The following DIAPH3 variants were observed in gnomAD, a reference collection of about 807,000 sequenced individuals.
DIAPH3 encodes protein diaphanous homolog 3.
A neutral mutation model predicts 144.3 loss-of-function variants in DIAPH3; 117 were observed. The observed-to-expected ratio is 0.81, with a 90% confidence interval of 0.70 to 0.95. The LOEUF is 0.95. Ranked by LOEUF, DIAPH3 falls within the 40% of genes least tolerant of loss-of-function variation. DIAPH3 has a pLI of 0.00. For synonymous variants in DIAPH3, 519 were observed against 488.9 expected, an observed-to-expected ratio of 1.06 and a Z score of -0.81; for missense variants, 1,421 against 1,412.7, an observed-to-expected ratio of 1.01 and a Z score of -0.09.
chr13:59,833,379 C>T (rs1484991876), intron 23 of DIAPH3, 108 bp from the exon 24 acceptor site: 22 of 820,930 alleles, frequency 2.7e-5, no homozygotes, highest in Non-Finnish European at 4.1e-5. Context: ...ACTATATTTC[C>T]AAAATTCTAA....
rs1312762937 is a variant in DIAPH3, at chr13:59,754,151, C to G, written c.3319+20038G>C. Among the ~76,000 whole-genome samples the G allele has an allele frequency of 2.0e-5, 3 of 152,302 alleles. No individual in the cohort carries two copies. The East Asian group carries it at 5.8e-4, about 29-fold the overall frequency. Reference sequence around the variant, plus strand: ...CAACTTATCTTTCTGCTCTCTACTTCTGATATTTTTGAGGGCATCTTCTGT... The same window carrying G: ...CAACTTATCTTTCTGCTCTCTACTTGTGATATTTTTGAGGGCATCTTCTGT... On this transcript the variant is annotated intron_variant, in intron 27 of 27. Transcript: ENST00000400324.
chr13:60,139,748 C>T (rs772836146), intron 1 of DIAPH3, among the ~76,000 whole-genome samples: 2 of 152,134 alleles, frequency 1.3e-5, no homozygotes, highest in African/African-American at 2.4e-5. Context: ...AACATAACTC[C>T]AATATTCTTT....
chr13:59,821,072 T>C (rs925578698), intron 24 of DIAPH3, among the ~76,000 whole-genome samples: 2 of 152,036 alleles, frequency 1.3e-5, no homozygotes, highest in African/African-American at 4.8e-5. Context: ...CATTAATGGA[T>C]ACTCAAGCAA....
intron 27 of DIAPH3, among the ~76,000 whole-genome samples, chr13:59,765,501 AACTTAAAG>A (rs1287092523): frequency 6.6e-6 from 1 of 152,202 alleles, no homozygotes; most frequent in East Asian, 1.9e-4. Flanking sequence ...AGGAAAAGAA[AACTTAAAG>A]ACAAATAACC....
At chr13:60,049,958 G>A (rs1212100976) in intron 4 of DIAPH3, among the ~76,000 whole-genome samples, 1 of 152,210 alleles carries the variant, frequency 6.6e-6, no homozygotes, top group Non-Finnish European at 1.5e-5. Context: ...GGGAGGCTGG[G>A]GCAGGAAGAT....
chr13:60,044,625 CA>C (rs1246504769), intron 4 of DIAPH3, among the ~76,000 whole-genome samples: 1 of 152,114 alleles, frequency 6.6e-6, no homozygotes, highest in Non-Finnish European at 1.5e-5. Context: ...GCAACAGGAA[CA>C]AAGGTGCCTC....
At position 59,873,677 on chromosome 13, in the gene DIAPH3, CTTTTTTTT is replaced by C. The variant is rs57461813; in HGVS notation, c.2607+5544_2607+5551del. On this transcript the variant is annotated intron_variant, in intron 21 of 27. Transcript: ENST00000400324. ...TTTGAAAATATTTTCACCACTTTTT[CTTTTTTTT>C]TTTTTTTTTTCACTCTTTTTACCCA... Among the ~76,000 whole-genome samples the C allele has an allele frequency of 3.7e-3, 480 of 128,912 alleles. 4 individuals carry two copies. The highest frequency in any genetic ancestry group is 0.013 in the African/African-American group (452 of 34,138). The allele number at this position is 128,912 out of a possible 152,430, so 84.6% of individuals were successfully genotyped here.
intron 17 of DIAPH3, among the ~76,000 whole-genome samples, chr13:59,948,836 AGAAAGAAGGAAGGAAGGAAGGAAG>A (rs1012977073): frequency 2.1e-5 from 3 of 143,098 alleles, no homozygotes; most frequent in African/African-American, 7.8e-5. Flanking sequence ...TGACATAAAA[AGAAAGAAGGAAGGAAGGAAGGAAG>A]GAAGGAAGGA....
intron 1 of DIAPH3, among the ~76,000 whole-genome samples, chr13:60,137,442 C>T (rs2059313684): frequency 6.6e-6 from 1 of 152,172 alleles, no homozygotes; most frequent in African/African-American, 2.4e-5. Flanking sequence ...GTAACAAAGA[C>T]AGATAAATTG....
chr13:59,714,811 T>TG (rs2034965257), intron 27 of DIAPH3, among the ~76,000 whole-genome samples: 2 of 152,084 alleles, frequency 1.3e-5, no homozygotes, highest in African/African-American at 4.8e-5. Flanking sequence ...GGGAGCTGGC[T>TG]GGGGGTGTGG....
chr13:59,801,957 T>G (rs987947544), intron 25 of DIAPH3, among the ~76,000 whole-genome samples: 1 of 151,876 alleles, frequency 6.6e-6, no homozygotes, highest in African/African-American at 2.4e-5. Context: ...TACTGAGTTG[T>G]TTTTTTTCCC....
chr13:59,805,194 C>A (rs1331651297), intron 25 of DIAPH3, among the ~76,000 whole-genome samples: 1 of 152,014 alleles, frequency 6.6e-6, no homozygotes, highest in Non-Finnish European at 1.5e-5. Flanking sequence ...ACTTCCCCCA[C>A]AAAACATAAT....
intron 25 of DIAPH3, among the ~76,000 whole-genome samples, chr13:59,783,108 AAAAC>A (rs1055227726): frequency 1.3e-4 from 20 of 152,212 alleles, no homozygotes; most frequent in Admixed American, 7.9e-4. Flanking sequence ...CTAAAGGCAA[AAAAC>A]AAACAAACAA....
chr13:60,062,209 T>G (rs1003713621), intron 4 of DIAPH3, among the ~76,000 whole-genome samples: 1 of 152,150 alleles, frequency 6.6e-6, no homozygotes, highest in Non-Finnish European at 1.5e-5. Flanking sequence ...TCAAAAAACA[T>G]TTTAAAAAAT....
intron 22 of DIAPH3, among the ~76,000 whole-genome samples, chr13:59,850,286 C>G (rs547850201): frequency 6.7e-6 from 1 of 149,876 alleles, no homozygotes; most frequent in Non-Finnish European, 1.5e-5. Context: ...TTGACTTCCT[C>G]TTTTCCTAAT....
Position 60,093,729 on chromosome 13 carries a change from C to A in DIAPH3, c.394G>T (p.Asp132Tyr), listed in dbSNP as rs758742870. ...TTTTTATCTTCATTTAAATTCATAT[C>A]TTCCTGGAAAACACAATTAAAATGC... ...LLELFEKMMEDMNLNEDKKAP... is the reference protein window; with the variant it reads ...LLELFEKMMEYMNLNEDKKAP... The change falls in exon 4 of 28, where the codon GAT (aspartate) becomes TAT (tyrosine). Residue 132 changes from aspartate (D) to tyrosine (Y), a missense_variant. By Grantham distance (160) the Asp-to-Tyr change is radical. Transcript: ENST00000400324. The A allele has an allele frequency of 6.2e-7, 1 of 1,605,638 alleles. No individual in the cohort carries two copies. Among genetic ancestry groups the A allele is most frequent in the Non-Finnish European group, 8.5e-7 (1 of 1,173,254 alleles).
chr13:60,156,010 C>G (rs1952009094), intron 1 of DIAPH3, among the ~76,000 whole-genome samples: 1 of 152,204 alleles, frequency 6.6e-6, no homozygotes, highest in African/African-American at 2.4e-5. Context: ...CACATTACCA[C>G]AAACTGGCAG....
At chr13:59,813,565 A>T (rs1432385164) in intron 24 of DIAPH3, among the ~76,000 whole-genome samples, 1 of 152,080 alleles carries the variant, frequency 6.6e-6, no homozygotes, top group Non-Finnish European at 1.5e-5. Context: ...AATAAAAATC[A>T]ACATAAGAGG....
At chr13:60,121,650 AGAC>A (rs1168694490) in intron 2 of DIAPH3, among the ~76,000 whole-genome samples, 1 of 152,224 alleles carries the variant, frequency 6.6e-6, no homozygotes, top group South Asian at 2.1e-4. Flanking sequence ...CATTCAAAGA[AGAC>A]GACAGACTTC....
Sources: allele counts gnomAD v4.1 joint callset (sites outside exome capture counted in the v4.1 genomes callset), GRCh38; gene constraint gnomAD v4.1.1; transcripts MANE v1.5; gene names NCBI Gene and HGNC (gene_info 2026-07-23, HGNC 2026-07-21).